Variants in KLF12 observed in about 807,000 individuals in gnomAD.
KLF12 encodes the protein Krueppel-like factor 12.
Under a neutral mutation model 37.8 loss-of-function variants are expected in KLF12, and 9 were observed. The ratio of observed to expected loss-of-function variants is 0.24; its 90% CI spans 0.14 to 0.42. KLF12 has a LOEUF of 0.42. KLF12 is among the 10% of genes least tolerant of loss of function. The pLI is 1.00. For synonymous variants in KLF12, 208 were observed against 202.1 expected, an observed-to-expected ratio of 1.03 and a Z score of -0.25; for missense variants, 411 against 516.0, an observed-to-expected ratio of 0.80 and a Z score of 1.97.
At chr13:74,241,255 C>CG in the KLF12 span, among the ~76,000 whole-genome samples, 5 of 150,986 alleles carry the variant, frequency 3.3e-5, no homozygotes, top group Admixed American at 2.0e-4. Context: ...TTAGGCTGCC[C>CG]GGGGGTCAGG....
chr13:73,977,352 T>C (rs968806485), intron 2 of KLF12, among the ~76,000 whole-genome samples: 2 of 152,128 alleles, frequency 1.3e-5, no homozygotes, highest in African/African-American at 4.8e-5. Flanking sequence ...CTAGATAACA[T>C]ACATTCTTTT....
At chr13:73,859,017 C>T (rs112438130) in intron 3 of KLF12, among the ~76,000 whole-genome samples, 136 of 152,226 alleles carry the variant, frequency 8.9e-4, no homozygotes, top group East Asian at 4.4e-3. Flanking sequence ...AGATGGTGTA[C>T]GGGACAAACA....
intron 1 of KLF12, among the ~76,000 whole-genome samples, chr13:74,067,105 T>G (rs1455061008): frequency 6.6e-6 from 1 of 152,112 alleles, no homozygotes; most frequent in East Asian, 1.9e-4. Context: ...GTTTAGCAGG[T>G]CAAGTACAAA....
intron 1 of KLF12, among the ~76,000 whole-genome samples, chr13:74,006,697 C>T (rs571270932): frequency 6.6e-6 from 1 of 152,298 alleles, no homozygotes; most frequent in Non-Finnish European, 1.5e-5. Flanking sequence ...CAGAAGTCAT[C>T]AGCAACCAGT....
intron 3 of KLF12, among the ~76,000 whole-genome samples, chr13:73,883,244 AAC>A (rs1165011378): frequency 6.6e-6 from 1 of 152,178 alleles, no homozygotes. Flanking sequence ...TAAAAACAAA[AAC>A]AGTTATTTGC....
At chr13:73,742,527 T>C (rs1878073566) in intron 6 of KLF12, among the ~76,000 whole-genome samples, 1 of 152,226 alleles carries the variant, frequency 6.6e-6, no homozygotes, top group African/African-American at 2.4e-5. Flanking sequence ...TTTTATTTAA[T>C]TCTTCCAACA....
intron 5 of KLF12, among the ~76,000 whole-genome samples, chr13:73,789,892 G>A (rs796123166): frequency 3.9e-5 from 6 of 152,134 alleles, no homozygotes; most frequent in African/African-American, 1.4e-4. Context: ...TAGCCAGGAT[G>A]GTCTCGATCT....
chr13:73,979,950 C>T (rs1891648753), intron 2 of KLF12, among the ~76,000 whole-genome samples: 1 of 151,996 alleles, frequency 6.6e-6, no homozygotes, highest in South Asian at 2.1e-4. Context: ...AAAAAAAAGA[C>T]CACGTGAAGG....
chr13:73,732,022 A>G (rs1377965132), intron 6 of KLF12, among the ~76,000 whole-genome samples: 1 of 152,036 alleles, frequency 6.6e-6, no homozygotes, highest in Non-Finnish European at 1.5e-5. Context: ...GGAGGTAAAT[A>G]TTTGGGAAAT....
chr13:73,927,430 T>C (rs1889445802), intron 3 of KLF12, among the ~76,000 whole-genome samples: 1 of 152,178 alleles, frequency 6.6e-6, no homozygotes, highest in African/African-American at 2.4e-5. Flanking sequence ...TTCCCATCCG[T>C]GTTTTCCACA....
At chr13:74,141,081 C>T in the KLF12 span, among the ~76,000 whole-genome samples, 16 of 151,480 alleles carry the variant, frequency 1.1e-4, no homozygotes, top group African/African-American at 2.7e-4. Flanking sequence ...AAAAAAGAAA[C>T]GAGGATTGGA....
intron 3 of KLF12, among the ~76,000 whole-genome samples, chr13:73,847,439 T>A (rs562807706): frequency 6.6e-6 from 1 of 152,130 alleles, no homozygotes; most frequent in Non-Finnish European, 1.5e-5. Flanking sequence ...GGTGTGCTAT[T>A]CCCCCTAAAA....
chr13:74,270,079 G>A, the KLF12 span, among the ~76,000 whole-genome samples: 1 of 152,132 alleles, frequency 6.6e-6, no homozygotes, highest in Non-Finnish European at 1.5e-5. Context: ...GTTCTTCAGT[G>A]TTGTATAACA....
intron 4 of KLF12, among the ~76,000 whole-genome samples, chr13:73,816,438 G>A (rs993990286): frequency 6.6e-6 from 1 of 152,214 alleles, no homozygotes; most frequent in African/African-American, 2.4e-5. Context: ...GGGTAACCCA[G>A]CTCACTGCTG....
chr13:73,891,014 G>C (rs1397941902), intron 3 of KLF12, among the ~76,000 whole-genome samples: 1 of 151,984 alleles, frequency 6.6e-6, no homozygotes, highest in African/African-American at 2.4e-5. Flanking sequence ...GAAGAAACCA[G>C]TCATTTTACA....
chr13:73,973,989 G>A (rs1414456466), intron 2 of KLF12, among the ~76,000 whole-genome samples: 1 of 152,018 alleles, frequency 6.6e-6, no homozygotes, highest in African/African-American at 2.4e-5. Context: ...TGGAAAGGAA[G>A]AGACATGACT....
chr13:73,973,987 A>T (rs1891425562), intron 2 of KLF12, among the ~76,000 whole-genome samples: 1 of 152,180 alleles, frequency 6.6e-6, no homozygotes, highest in South Asian at 2.1e-4. Context: ...CATGGAAAGG[A>T]AGAGACATGA....
chr13:73,955,004 A>G (rs569297440), intron 2 of KLF12, among the ~76,000 whole-genome samples: 1 of 152,308 alleles, frequency 6.6e-6, no homozygotes, highest in South Asian at 2.1e-4. Context: ...TTCCTGGTTT[A>G]GTCTCTACCA....
chr13:74,260,714 G>A, the KLF12 span, among the ~76,000 whole-genome samples: 1 of 151,926 alleles, frequency 6.6e-6, no homozygotes, highest in Admixed American at 6.6e-5. Context: ...CTGTGATTTG[G>A]AAGAGTAATG....
Sources: allele counts gnomAD v4.1 joint callset (sites outside exome capture counted in the v4.1 genomes callset), GRCh38; gene constraint gnomAD v4.1.1; transcripts MANE v1.5; gene names NCBI Gene and HGNC (gene_info 2026-07-23, HGNC 2026-07-21).